Variants in TBC1D1 observed in about 807,000 individuals in gnomAD.
TBC1D1 encodes TBC1 (tre-2/USP6, BUB2, cdc16) domain family, member 1.
A neutral mutation model predicts 125.6 loss-of-function variants in TBC1D1; 89 were observed. The observed-to-expected ratio is 0.71, with a 90% confidence interval of 0.60 to 0.85. The LOEUF is 0.85. TBC1D1 is among the 40% of genes least tolerant of loss of function. The pLI, the probability that TBC1D1 is intolerant of heterozygous loss-of-function variation, is 0.00. For synonymous variants in TBC1D1, 565 were observed against 564.1 expected (o/e 1.00, Z -0.02); for missense variants, 1,377 against 1,469.2 (o/e 0.94, Z 1.03).
At chr4:38,039,104 C>CTTTTTTTTTTTTTTTTTTTTTTTTTT (rs776941680) in intron 8 of TBC1D1, among the ~76,000 whole-genome samples, 1 of 51,542 alleles carries the variant, frequency 1.9e-5, no homozygotes, top group Non-Finnish European at 3.8e-5. Context: ...GCATCATACT[C>CTTTTTTTTTTTTTTTTTTTTTTTTTT]TTTTTTTTTT....
chr4:37,940,336 G>A (rs1352547506), intron 2 of TBC1D1, among the ~76,000 whole-genome samples: 2 of 152,132 alleles, frequency 1.3e-5, no homozygotes, highest in African/African-American at 2.4e-5. Flanking sequence ...TCTTTTATCG[G>A]TGTATAAGAA....
At chr4:37,960,574 G>A in intron 2 of TBC1D1, 1 of 1,614,090 alleles carries the variant, frequency 6.2e-7, no homozygotes, top group Non-Finnish European at 8.5e-7. Context: ...CGACGTTTTG[G>A]CAAAACATAC....
chr4:38,069,338 A>C (rs1754296087), intron 12 of TBC1D1, among the ~76,000 whole-genome samples: 1 of 152,164 alleles, frequency 6.6e-6, no homozygotes, highest in Non-Finnish European at 1.5e-5. Flanking sequence ...AGTTGTTTTC[A>C]GCTTCTTAGC....
rs1325291453 is a variant in TBC1D1, at chr4:38,052,731, C to CAT, written c.1911-1467_1911-1466insTA. On this transcript the variant is annotated intron_variant, in intron 11 of 19. Transcript: ENST00000261439. ...ACACACACGCGCGCGCGCGCGCGCA[C>CAT]ACACACACACACACACACACACACA... 3.1e-4 allele frequency among the ~76,000 whole-genome samples: 18 copies of CAT among 58,960 alleles called. No homozygotes were observed. In the Admixed American group the frequency reaches 3.5e-3, roughly 11 times the overall value. The allele number at this position is 58,960 out of a possible 152,430, so 38.7% of individuals were successfully genotyped here.
chr4:38,095,901 T>G (rs1759244458), intron 13 of TBC1D1, 28 bp from the exon 16 acceptor site: 1 of 1,589,790 alleles, frequency 6.3e-7, no homozygotes, highest in Non-Finnish European at 8.6e-7. Flanking sequence ...TAGCCTTTAC[T>G]AATGCGCTCT....
intron 12 of TBC1D1, among the ~76,000 whole-genome samples, chr4:38,061,824 G>A (rs1752823309): frequency 6.6e-6 from 1 of 152,120 alleles, no homozygotes; most frequent in Non-Finnish European, 1.5e-5. Flanking sequence ...ATATTATTGT[G>A]AAAAACTTAG....
At chr4:38,125,924 T>G (rs1764558081) in intron 18 of TBC1D1, among the ~76,000 whole-genome samples, 1 of 152,232 alleles carries the variant, frequency 6.6e-6, no homozygotes, top group African/African-American at 2.4e-5. Flanking sequence ...CATCATTGAG[T>G]CACTGCAGAG....
intron 2 of TBC1D1, among the ~76,000 whole-genome samples, chr4:37,914,503 T>C (rs555622813): frequency 6.6e-6 from 1 of 152,180 alleles, no homozygotes; most frequent in Non-Finnish European, 1.5e-5. Context: ...AGCCCAAGCC[T>C]GAGGCGCCAT....
Position 38,118,114 on chromosome 4 carries a change from C to T in TBC1D1, c.2884C>T (p.Pro962Ser), listed in dbSNP as rs926066723. 1 of 1,614,054 alleles carries T rather than the reference C, an allele frequency of 6.2e-7. No homozygotes were observed. The highest frequency in any genetic ancestry group is 1.3e-5 in the African/African-American group (1 of 74,916). Residue 962 changes from proline (P) to serine (S), a missense_variant, in exon 17 of 20, where the codon CCC (proline) becomes TCC (serine). By Grantham distance (74) the Pro-to-Ser change is moderately conservative. Transcript: ENST00000261439. ...TCACCTGGAGGAGCACGAGATCGGCCCCAGCCTCTACGCTGCCCCCTGGTT... is the reference window on the plus strand; with the variant it reads ...TCACCTGGAGGAGCACGAGATCGGCTCCAGCCTCTACGCTGCCCCCTGGTT...
chr4:37,924,957 T>C (rs182311869), intron 2 of TBC1D1, among the ~76,000 whole-genome samples: 311 of 152,342 alleles, frequency 2.0e-3, no homozygotes, highest in Non-Finnish European at 2.2e-3. Context: ...TATTTACTAT[T>C]CACAACAACT....
chr4:38,111,713 G>A (rs1762230678), intron 15 of TBC1D1, among the ~76,000 whole-genome samples: 1 of 152,196 alleles, frequency 6.6e-6, no homozygotes, highest in Non-Finnish European at 1.5e-5. Flanking sequence ...ACCCCTAAAA[G>A]GATCTCAGCG....
chr4:38,070,824 A>C (rs573506895), intron 12 of TBC1D1, among the ~76,000 whole-genome samples: 40 of 152,198 alleles, frequency 2.6e-4, no homozygotes, highest in Non-Finnish European at 5.0e-4. Context: ...CTAATTTCTA[A>C]TTAAGGGAGA....
At chr4:37,924,107 A>G (rs1212039442) in intron 2 of TBC1D1, among the ~76,000 whole-genome samples, 1 of 151,476 alleles carries the variant, frequency 6.6e-6, no homozygotes, top group Non-Finnish European at 1.5e-5. Context: ...GGTACCCTAC[A>G]CCTTGCTGGC....
Position 38,049,750 on chromosome 4 carries a change from C to T in TBC1D1, c.1762C>T (p.Gln588Ter). 6.2e-7 allele frequency: 1 copy of T among 1,614,166 alleles called. No individual in the cohort carries two copies. The change falls in exon 11 of 20, where the codon CAG (glutamine) becomes TAG (stop). Residue 588 changes from glutamine to a stop codon, truncating the protein, a stop_gained. Coordinates refer to ENST00000261439, the MANE Select transcript of TBC1D1 (RefSeq NM_015173.4). LOFTEE classifies it high-confidence loss of function. ...AGAGCCAGCTCCGCTGTCGCCCCAG[C>T]AGGCCTTCAGGAGGCGAGCAAACAC...
At chr4:38,087,683 A>T (rs1757721164) in intron 12 of TBC1D1, among the ~76,000 whole-genome samples, 2 of 151,748 alleles carry the variant, frequency 1.3e-5, no homozygotes, top group Non-Finnish European at 2.9e-5. Context: ...CTCAACTGAA[A>T]ATACAGAAAT....
intron 2 of TBC1D1, chr4:37,961,241 A>C: frequency 1.5e-6 from 1 of 649,804 alleles, no homozygotes; most frequent in Non-Finnish European, 2.5e-6. Flanking sequence ...TTACTTCTGT[A>C]GAGAAACAGG....
chr4:38,027,663 T>C, intron 6 of TBC1D1, 125 bp from the exon 7 acceptor site: 1 of 519,810 alleles, frequency 1.9e-6, no homozygotes, highest in South Asian at 3.5e-5. Context: ...ATTTTTTTAT[T>C]TCCTAAAACC....
intron 14 of TBC1D1, among the ~76,000 whole-genome samples, chr4:38,101,571 T>C (rs988981148): frequency 5.9e-5 from 9 of 152,342 alleles, no homozygotes; most frequent in African/African-American, 1.9e-4. Context: ...CTCTTGGACA[T>C]TTTCTGTTTT....
chr4:37,996,578 A>G (rs1234533425), intron 2 of TBC1D1, among the ~76,000 whole-genome samples: 2 of 152,254 alleles, frequency 1.3e-5, no homozygotes, highest in Non-Finnish European at 2.9e-5. Flanking sequence ...TCTTGAACAC[A>G]TGTGATAAGT....
Sources: allele counts gnomAD v4.1 joint callset (sites outside exome capture counted in the v4.1 genomes callset), GRCh38; gene constraint gnomAD v4.1.1; transcripts MANE v1.5; gene names NCBI Gene and HGNC (gene_info 2026-07-23, HGNC 2026-07-21).